ACER3: variants seen among roughly 807,000 people sequenced by gnomAD.
ACER3 encodes the protein alkaline ceramidase 3.
In ACER3, 16 loss-of-function variants were observed where a neutral mutation model predicts 48.9. That is an observed-to-expected ratio of 0.33 (90% CI 0.22 to 0.50). ACER3 has a LOEUF of 0.50. Among genes scored for constraint, ACER3 ranks in the 20% least tolerant of loss-of-function variants. ACER3 has a pLI of 0.98. For missense variants in ACER3, 227 were observed against 326.0 expected, an observed-to-expected ratio of 0.70 and a Z score of 2.34; for synonymous variants, 109 against 107.8, an observed-to-expected ratio of 1.01 and a Z score of -0.07.
intron 2 of ACER3, among the ~76,000 whole-genome samples, chr11:76,937,262 T>C (rs1947215102): frequency 6.6e-6 from 1 of 152,208 alleles, no homozygotes; most frequent in Admixed American, 6.5e-5. Context: ...AAATAGGCAT[T>C]CTTCTTGCAT....
At chr11:76,873,244 T>C (rs1020041839) in intron 1 of ACER3, among the ~76,000 whole-genome samples, 1 of 152,048 alleles carries the variant, frequency 6.6e-6, no homozygotes, top group African/African-American at 2.4e-5. Context: ...GTGATTCCAG[T>C]GCTGCTGGTC....
intron 1 of ACER3, among the ~76,000 whole-genome samples, chr11:76,870,958 G>C (rs1277806134): frequency 6.6e-6 from 1 of 152,196 alleles, no homozygotes; most frequent in Admixed American, 6.5e-5. Flanking sequence ...AAAGTTCTAT[G>C]AGTGTATTTC....
intron 7 of ACER3, among the ~76,000 whole-genome samples, chr11:77,002,516 T>C (rs1156393552): frequency 6.6e-6 from 1 of 152,194 alleles, no homozygotes; most frequent in Non-Finnish European, 1.5e-5. Flanking sequence ...TGTTAAGGAT[T>C]TTTGTATCTG....
rs11426478 is a variant in ACER3, at chr11:76,874,403, T to TAAA, written c.103+13334_103+13336dup. On this transcript the variant is annotated intron_variant, in intron 1 of 10. Coordinates refer to ENST00000532485, the MANE Select transcript of ACER3 (RefSeq NM_018367.7). ...GAATTGGAATCTAATAAAAATAAGTTAAAAAAAAAAAACAAAACTAACCCA... is the reference window on the plus strand; with the variant it reads ...GAATTGGAATCTAATAAAAATAAGTTAAAAAAAAAAAAAAACAAAACTAACCCA... 2.4e-3 allele frequency among the ~76,000 whole-genome samples: 350 copies of TAAA among 148,394 alleles called. 3 individuals carry two copies. The highest frequency in any genetic ancestry group is 0.01 in the Middle Eastern group (3 of 288).
chr11:76,911,849 T>C (rs1308480165), intron 1 of ACER3, among the ~76,000 whole-genome samples: 2 of 152,298 alleles, frequency 1.3e-5, no homozygotes, highest in Admixed American at 1.3e-4. Context: ...GTGTGAGATT[T>C]GGCAAGGGGA....
chr11:76,874,442 T>C (rs1002912063), intron 1 of ACER3, among the ~76,000 whole-genome samples: 2 of 151,730 alleles, frequency 1.3e-5, no homozygotes, highest in African/African-American at 4.8e-5. Context: ...TGTATAACAG[T>C]TGTGGCTTCC....
intron 2 of ACER3, among the ~76,000 whole-genome samples, chr11:76,950,389 AT>A (rs1947623395): frequency 3.6e-5 from 1 of 27,900 alleles, no homozygotes; most frequent in African/African-American, 1.3e-4. Flanking sequence ...ATATATATAT[AT>A]ATATATATAT....
At chr11:76,870,787 G>A (rs919821915) in intron 1 of ACER3, among the ~76,000 whole-genome samples, 1 of 152,096 alleles carries the variant, frequency 6.6e-6, no homozygotes. Flanking sequence ...ATGCTGTAAT[G>A]ATTATATGAG....
intron 1 of ACER3, among the ~76,000 whole-genome samples, chr11:76,886,470 A>G (rs1945673553): frequency 6.6e-6 from 1 of 152,250 alleles, no homozygotes; most frequent in Non-Finnish European, 1.5e-5. Context: ...TACCATTGAC[A>G]GTATAACACT....
intron 1 of ACER3, chr11:76,868,383 CTCTCTCTCTGTGTGTGTGTG>C: frequency 3.8e-6 from 2 of 525,162 alleles, no homozygotes; most frequent in South Asian, 2.1e-5. Flanking sequence ...ATATCTCTCT[CTCTCTCTCTGTGTGTGTGTG>C]TGTGTGTGTG....
At chr11:76,868,817 G>A (rs1168444379) in intron 1 of ACER3, among the ~76,000 whole-genome samples, 1 of 152,194 alleles carries the variant, frequency 6.6e-6, no homozygotes, top group Non-Finnish European at 1.5e-5. Context: ...TCCATAAAAG[G>A]TTCAAGAGGA....
intron 1 of ACER3, among the ~76,000 whole-genome samples, chr11:76,890,858 T>C (rs1945786103): frequency 6.6e-6 from 1 of 152,062 alleles, no homozygotes; most frequent in Non-Finnish European, 1.5e-5. Context: ...GGTGGCTCAC[T>C]CCTGTAATCC....
In ACER3 at chr11:77,024,583, G is replaced by A. The variant is rs1223143325; in HGVS notation, c.*4256G>A. 6.6e-6 allele frequency: 1 copy of A among 152,172 alleles called. No individual in the cohort carries two copies. The highest frequency in any genetic ancestry group is 2.4e-5 in the African/African-American group (1 of 41,436). 9.4% of individuals were successfully genotyped at this position (152,172 alleles called of 1,614,324 possible). On this transcript the variant is annotated 3_prime_UTR_variant, in exon 11 of 11. Coordinates refer to ENST00000532485, the MANE Select transcript of ACER3 (RefSeq NM_018367.7). ...GTAAGGGACAACAAGTTTCACCAAG[G>A]CACAGTCTTCTCTGATAGGCCAGCA...
chr11:77,007,959 A>G (rs1949187721), intron 7 of ACER3, among the ~76,000 whole-genome samples: 3 of 152,242 alleles, frequency 2.0e-5, no homozygotes, highest in Admixed American at 2.0e-4. Context: ...AAAATAAGTG[A>G]TGGGTATGTT....
intron 1 of ACER3, among the ~76,000 whole-genome samples, chr11:76,915,196 AG>A (rs1302507036): frequency 6.6e-6 from 1 of 151,590 alleles, no homozygotes; most frequent in East Asian, 1.9e-4. Context: ...ATTTAAAAAA[AG>A]GAAAAATAAA....
chr11:76,909,756 A>C (rs954095359), intron 1 of ACER3, among the ~76,000 whole-genome samples: 4 of 152,172 alleles, frequency 2.6e-5, no homozygotes, highest in African/African-American at 9.7e-5. Flanking sequence ...TTGACCCAGC[A>C]ATCCCATTAC....
At chr11:77,010,096 G>T (rs930430215) in intron 7 of ACER3, among the ~76,000 whole-genome samples, 1 of 151,786 alleles carries the variant, frequency 6.6e-6, no homozygotes, top group African/African-American at 2.4e-5. Flanking sequence ...TCAGTTTTAG[G>T]TAGGAAAAAT....
At chr11:76,940,274 G>A (rs945571176) in intron 2 of ACER3, among the ~76,000 whole-genome samples, 1 of 151,806 alleles carries the variant, frequency 6.6e-6, no homozygotes, top group Non-Finnish European at 1.5e-5. Context: ...ATGAGCCACC[G>A]CACCCAGCCA....
At chr11:76,901,611 G>A (rs558602681) in intron 1 of ACER3, among the ~76,000 whole-genome samples, 3 of 152,292 alleles carry the variant, frequency 2.0e-5, no homozygotes, top group Admixed American at 6.5e-5. Flanking sequence ...CTCAAGAGCC[G>A]AGCTCCCCGA....
Sources: allele counts gnomAD v4.1 joint callset (sites outside exome capture counted in the v4.1 genomes callset), GRCh38; gene constraint gnomAD v4.1.1; transcripts MANE v1.5; gene names NCBI Gene and HGNC (gene_info 2026-07-23, HGNC 2026-07-21).